Variants in R3HDM1 observed in about 807,000 individuals in gnomAD.
R3HDM1 encodes the protein R3H domain containing 1, also known as R3H domain-containing protein 1.
In R3HDM1, 46 loss-of-function variants were observed where a neutral mutation model predicts 141.1. The ratio of observed to expected loss-of-function variants is 0.33; its 90% confidence interval spans 0.26 to 0.42. R3HDM1 has a LOEUF of 0.42. Ranked by LOEUF, R3HDM1 falls within the 10% of genes least tolerant of loss-of-function variation. R3HDM1 has a pLI of 1.00. For synonymous variants in R3HDM1, 435 were observed against 472.9 expected (o/e 0.92, Z 1.04); for missense variants, 1,184 against 1,368.3 (o/e 0.87, Z 2.12).
rs1347922659 is a variant in R3HDM1 at position 135,604,838 on chromosome 2, C to T, written c.-8C>T. ...GCTCCCTGTAGAATTCGAAAATAAC[C>T]TTTTCTAATGAGGATGTCTGATACT... On this transcript the variant is annotated 5_prime_UTR_variant, in exon 3 of 27. Transcript: ENST00000683871. 1 of 1,610,920 alleles carries T rather than the reference C, an allele frequency of 6.2e-7. No homozygotes were observed. Among genetic ancestry groups the T allele is most frequent in the Non-Finnish European group, 8.5e-7 (1 of 1,178,480 alleles).
chr2:135,555,691 C>G (rs1421501392), intron 1 of R3HDM1, among the ~76,000 whole-genome samples: 2 of 152,132 alleles, frequency 1.3e-5, no homozygotes, highest in Non-Finnish European at 2.9e-5. Flanking sequence ...AATGGATAAG[C>G]AAAATGTAAT....
intron 1 of R3HDM1, among the ~76,000 whole-genome samples, chr2:135,561,679 C>T (rs1387561985): frequency 6.6e-6 from 1 of 151,890 alleles, no homozygotes; most frequent in African/African-American, 2.4e-5. Context: ...CATAGAACCA[C>T]TGCACTCCAG....
chr2:135,618,894 C>T (rs1040287554), intron 5 of R3HDM1, among the ~76,000 whole-genome samples: 1 of 152,008 alleles, frequency 6.6e-6, no homozygotes, highest in Admixed American at 6.5e-5. Flanking sequence ...GTGGCACACG[C>T]CTGTAATCCC....
chr2:135,545,994 G>A (rs1429509262), intron 1 of R3HDM1, among the ~76,000 whole-genome samples: 1 of 152,202 alleles, frequency 6.6e-6, no homozygotes, highest in Non-Finnish European at 1.5e-5. Context: ...GCTTTTCCTT[G>A]TCTGTCTTCT....
chr2:135,620,176 C>A, intron 5 of R3HDM1: 1 of 435,406 alleles, frequency 2.3e-6, no homozygotes, highest in Non-Finnish European at 3.1e-6. Flanking sequence ...TAGTGAAGAT[C>A]TAAGAGGAGG....
In R3HDM1 at chr2:135,724,163, C is replaced by A. The variant is rs752599008; in HGVS notation, c.3276C>A (p.Ala1092=). ...SDLASTYTVL[A]TFPSISAAQN... ...TGGCCTCCACCTACACCGTCTTAGC[C>A]ACATTCCCCTCCATTTCAGCTGCAC... Residue 1092 remains alanine, a synonymous_variant, in exon 27 of 27, where the codon GCC becomes GCA. Coordinates refer to ENST00000683871, the MANE Select transcript of R3HDM1 (RefSeq NM_001378107.1). 1 of 1,613,880 alleles carries A rather than the reference C, an allele frequency of 6.2e-7. No individual in the cohort carries two copies. The highest frequency in any genetic ancestry group is 1.3e-5 in the African/African-American group (1 of 74,906).
At chr2:135,709,285 G>A (rs2075336526) in intron 21 of R3HDM1, 148 bp from the exon 22 acceptor site, 1 of 1,028,724 alleles carries the variant, frequency 9.7e-7, no homozygotes, top group Admixed American at 2.9e-5. Context: ...GTATTAGCCA[G>A]GATGTTCTCG....
chr2:135,604,374 G>C (rs917333629), intron 2 of R3HDM1, among the ~76,000 whole-genome samples: 31 of 152,232 alleles, frequency 2.0e-4, no homozygotes, highest in African/African-American at 7.5e-4. Flanking sequence ...CTTCTACCTT[G>C]ATCTGGCTCG....
intron 24 of R3HDM1, among the ~76,000 whole-genome samples, chr2:135,715,900 TTC>T (rs1166364252): frequency 5.9e-5 from 9 of 152,244 alleles, no homozygotes; most frequent in South Asian, 2.1e-4. Context: ...CAGTAATTAC[TTC>T]TGTTTAGTAA....
chr2:135,533,854 C>T (rs1213851955), intron 1 of R3HDM1: 3 of 397,364 alleles, frequency 7.5e-6, no homozygotes, highest in East Asian at 3.3e-4. Flanking sequence ...GTCTGGGCAA[C>T]AAGAGCGAAA....
Position 135,585,274 on chromosome 2 carries a change from A to G in R3HDM1, c.-249-17226A>G, listed in dbSNP as rs530474136. On this transcript the variant is annotated intron_variant, in intron 1 of 26. Coordinates refer to ENST00000683871, the MANE Select transcript of R3HDM1 (RefSeq NM_001378107.1). The stretch of plus-strand genomic sequence containing the variant: ...TGTTAATATTTTTTCACATTATACT[A>G]TAAAGCTGGTATCTTTTAGTGTTTG... 1.3e-4 allele frequency among the ~76,000 whole-genome samples: 20 copies of G among 152,354 alleles called. 1 individual carries two copies. In the South Asian group the frequency reaches 3.9e-3, roughly 30 times the overall value.
At chr2:135,639,718 G>T (rs2063588139) in intron 14 of R3HDM1, among the ~76,000 whole-genome samples, 1 of 152,020 alleles carries the variant, frequency 6.6e-6, no homozygotes, top group African/African-American at 2.4e-5. Flanking sequence ...CCTCTAACTG[G>T]CTTCAATACT....
intron 26 of R3HDM1, among the ~76,000 whole-genome samples, 159 bp from the exon 27 acceptor site, chr2:135,723,778 C>CAAAAAAAAAAA (rs541423067): frequency 1.1e-4 from 6 of 55,308 alleles, no homozygotes; most frequent in African/African-American, 4.1e-4. Flanking sequence ...CTCCATCTCC[C>CAAAAAAAAAAA]AAAAAAAAAA....
At chr2:135,723,001 T>G (rs1462180307) in intron 26 of R3HDM1, among the ~76,000 whole-genome samples, 1 of 152,192 alleles carries the variant, frequency 6.6e-6, no homozygotes, top group African/African-American at 2.4e-5. Context: ...AATGGAAATG[T>G]GAAGTTCAGA....
chr2:135,598,391 T>C (rs1449601122), intron 1 of R3HDM1, among the ~76,000 whole-genome samples: 1 of 152,220 alleles, frequency 6.6e-6, no homozygotes, highest in Admixed American at 6.5e-5. Flanking sequence ...TAGCTCCTCT[T>C]CATGTGAAAA....
intron 3 of R3HDM1, among the ~76,000 whole-genome samples, chr2:135,613,172 T>TGG (rs1286274468): frequency 6.6e-6 from 1 of 152,230 alleles, no homozygotes; most frequent in Non-Finnish European, 1.5e-5. Flanking sequence ...TCAGCCAGGC[T>TGG]GGGCCCTTTT....
intron 21 of R3HDM1, among the ~76,000 whole-genome samples, chr2:135,684,338 C>T (rs954174447): frequency 2.0e-5 from 3 of 152,158 alleles, no homozygotes; most frequent in African/African-American, 7.2e-5. Context: ...ATCCGCCCAC[C>T]GTGGCCTCCC....
intron 1 of R3HDM1, among the ~76,000 whole-genome samples, chr2:135,553,967 G>A (rs1573723504): frequency 6.6e-6 from 1 of 151,782 alleles, no homozygotes; most frequent in East Asian, 2.0e-4. Flanking sequence ...TGGGATTACA[G>A]GCATGAGCCA....
At chr2:135,612,083 C>G (rs1042584472) in intron 3 of R3HDM1, among the ~76,000 whole-genome samples, 1 of 152,064 alleles carries the variant, frequency 6.6e-6, no homozygotes, top group Non-Finnish European at 1.5e-5. Context: ...ATGTTAAAAA[C>G]AAATTAGTGA....
Sources: allele counts gnomAD v4.1 joint callset (sites outside exome capture counted in the v4.1 genomes callset), GRCh38; gene constraint gnomAD v4.1.1; transcripts MANE v1.5; gene names NCBI Gene and HGNC (gene_info 2026-07-23, HGNC 2026-07-21).